Variants in WRN observed in about 807,000 individuals in gnomAD.
WRN encodes the protein bifunctional 3'-5' exonuclease/ATP-dependent helicase WRN.
A neutral mutation model predicts 180.7 loss-of-function variants in WRN; 149 were observed. That is an observed-to-expected ratio of 0.82 (90% CI 0.72 to 0.94). The LOEUF (loss-of-function observed/expected upper bound fraction) is 0.94, where lower values mean the gene tolerates loss of function less well. Ranked by LOEUF, WRN falls within the 40% of genes least tolerant of loss-of-function variation. WRN has a pLI of 0.00. For synonymous variants in WRN, 548 were observed against 568.9 expected, an observed-to-expected ratio of 0.96 and a Z score of 0.52; for missense variants, 1,661 against 1,700.1, an observed-to-expected ratio of 0.98 and a Z score of 0.40.
At chr8:31,079,034 T>A (rs1031342114) in intron 8 of WRN, among the ~76,000 whole-genome samples, 1 of 152,224 alleles carries the variant, frequency 6.6e-6, no homozygotes, top group African/African-American at 2.4e-5. Context: ...CTAAACTATT[T>A]GCATATAATT....
chr8:31,139,616 C>T (rs2130404475), intron 24 of WRN, among the ~76,000 whole-genome samples: 1 of 152,310 alleles, frequency 6.6e-6, no homozygotes, highest in East Asian at 1.9e-4. Context: ...GCATGCTCTG[C>T]AAACCAACGT....
At chr8:31,055,274 G>A (rs961549705) in intron 1 of WRN, among the ~76,000 whole-genome samples, 1 of 152,246 alleles carries the variant, frequency 6.6e-6, no homozygotes, top group Admixed American at 6.5e-5. Context: ...TAATAGGATT[G>A]CAGTGTCAAA....
chr8:31,125,794 C>T (rs913732360), intron 23 of WRN, among the ~76,000 whole-genome samples: 3 of 150,172 alleles, frequency 2.0e-5, no homozygotes, highest in African/African-American at 4.9e-5. Context: ...TGAGGCCCAC[C>T]CACATTATTG....
At chr8:31,034,455 A>G (rs1458150637) in intron 1 of WRN, among the ~76,000 whole-genome samples, 2 of 151,990 alleles carry the variant, frequency 1.3e-5, no homozygotes, top group East Asian at 3.9e-4. Flanking sequence ...GAAAAATACT[A>G]CTCCCTATTG....
chr8:31,120,848 G>C (rs1436717730), intron 21 of WRN, among the ~76,000 whole-genome samples: 1 of 152,012 alleles, frequency 6.6e-6, no homozygotes, highest in Non-Finnish European at 1.5e-5. Context: ...CCATGCTACA[G>C]TGGTGATTAT....
chr8:31,048,630 AAAAG>A (rs1353952402), intron 1 of WRN, among the ~76,000 whole-genome samples: 3 of 152,206 alleles, frequency 2.0e-5, no homozygotes, highest in African/African-American at 7.2e-5. Flanking sequence ...GTAATATAAT[AAAAG>A]AAATCAAGCC....
intron 11 of WRN, among the ~76,000 whole-genome samples, chr8:31,086,281 T>C (rs1813527539): frequency 6.6e-6 from 1 of 152,050 alleles, no homozygotes; most frequent in African/African-American, 2.4e-5. Flanking sequence ...AGTAAGAATG[T>C]ATATTCTAGG....
At chr8:31,115,373 A>G (rs1801480356) in intron 19 of WRN, among the ~76,000 whole-genome samples, 1 of 152,234 alleles carries the variant, frequency 6.6e-6, no homozygotes, top group Non-Finnish European at 1.5e-5. Context: ...TTAAGTTTTC[A>G]GTGGCTTTTG....
chr8:31,065,404 C>G (rs2130039603), intron 5 of WRN, among the ~76,000 whole-genome samples: 1 of 152,196 alleles, frequency 6.6e-6, no homozygotes, highest in South Asian at 2.1e-4. Flanking sequence ...CACCCTCCAC[C>G]TCCCACAGTG....
intron 7 of WRN, among the ~76,000 whole-genome samples, chr8:31,072,526 G>A (rs931293699): frequency 2.6e-5 from 4 of 152,144 alleles, no homozygotes; most frequent in African/African-American, 9.7e-5. Flanking sequence ...CAGAGACAGG[G>A]TCTCATTATG....
chr8:31,059,073 T>G, intron 2 of WRN, 80 bp from the exon 3 acceptor site: 1 of 1,031,016 alleles, frequency 9.7e-7, no homozygotes, highest in Non-Finnish European at 1.5e-6. Context: ...ATTGAATGCT[T>G]CAGTGAACTT....
chr8:31,082,145 CAG>C (rs1315346481), intron 9 of WRN, among the ~76,000 whole-genome samples: 2 of 152,206 alleles, frequency 1.3e-5, no homozygotes, highest in African/African-American at 4.8e-5. Context: ...ACTGTCATCT[CAG>C]AGTCAGATTT....
At chr8:31,099,917 A>C (rs1378569706) in intron 17 of WRN, among the ~76,000 whole-genome samples, 2 of 152,140 alleles carry the variant, frequency 1.3e-5, no homozygotes, top group Non-Finnish European at 2.9e-5. Context: ...TGGAAAGCTT[A>C]AGTAACTTGC....
chr8:31,175,719 C>T lies in WRN; in HGVS notation c.*2617C>T, dbSNP rs1300916927. Among the ~76,000 whole-genome samples the T allele has an allele frequency of 6.6e-6, 1 of 152,160 alleles. No individual in the cohort carries two copies. Among genetic ancestry groups the T allele is most frequent in the Non-Finnish European group, 1.5e-5 (1 of 68,042 alleles). Reference sequence around the variant, plus strand: ...TTTTTTTCATATACTTCAGCCAAAACAGCATATCAAAATGGATTGAATGCA... The same window carrying T: ...TTTTTTTCATATACTTCAGCCAAAATAGCATATCAAAATGGATTGAATGCA... On this transcript the variant is annotated 3_prime_UTR_variant, in exon 35 of 35. Transcript: ENST00000298139.
At chr8:31,126,545 C>T (rs1308444571) in intron 23 of WRN, among the ~76,000 whole-genome samples, 2 of 152,018 alleles carry the variant, frequency 1.3e-5, no homozygotes, top group African/African-American at 4.8e-5. Flanking sequence ...AGAAAGGTCT[C>T]AAATCAGTAC....
rs61761623 is a variant in WRN, at chr8:31,141,753, C to T, written c.3211C>T (p.Pro1071Ser). The T allele has an allele frequency of 5.6e-5, 90 of 1,613,894 alleles. No individual in the cohort carries two copies. In the African/African-American group the frequency reaches 9.9e-4, roughly 18 times the overall value. ...CCTTCAAGCTAATGAAGAATTGTGTCCAAAGAAGTTGCTTCTGCCTAGGTT... is the reference window on the plus strand; with the variant it reads ...CCTTCAAGCTAATGAAGAATTGTGTTCAAAGAAGTTGCTTCTGCCTAGGTT... ...LILQANEELC[P>S]KKLLLPSSKT... The change falls in exon 26 of 35, where the codon CCA becomes TCA. Residue 1071 changes from proline to serine, a missense_variant. Transcript: ENST00000298139.
At chr8:31,109,000 G>A (rs936179043) in intron 18 of WRN, among the ~76,000 whole-genome samples, 1 of 152,174 alleles carries the variant, frequency 6.6e-6, no homozygotes, top group African/African-American at 2.4e-5. Context: ...GCAGTAATTG[G>A]TTCTTTGGGA....
chr8:31,116,521 A>C lies in WRN; in HGVS notation c.2441A>C (p.Glu814Ala), dbSNP rs1353379771. ...KDIHHRFVRD[E>A]IQCVIATIAF... ...ATTCATCATAGGTTTGTAAGAGATGAAATTCAGGTATGAGGATCAATCATC... is the reference window on the plus strand; with the variant it reads ...ATTCATCATAGGTTTGTAAGAGATGCAATTCAGGTATGAGGATCAATCATC... The change falls in exon 20 of 35, where the codon GAA (glutamate) becomes GCA (alanine). Residue 814 changes from glutamate to alanine, a missense_variant. Physicochemically the swap from Glu to Ala is moderately radical, Grantham distance 107. Coordinates refer to ENST00000298139, the MANE Select transcript of WRN (RefSeq NM_000553.6). 6.2e-7 allele frequency: 1 copy of C among 1,613,828 alleles called. No individual in the cohort carries two copies. The highest frequency in any genetic ancestry group is 1.1e-5 in the South Asian group (1 of 91,068).
In WRN at chr8:31,157,786, G is replaced by A. The variant is rs536128315; in HGVS notation, c.3982+256G>A. Among the ~76,000 whole-genome samples the A allele has an allele frequency of 3.3e-5, 5 of 152,196 alleles. No homozygotes were observed. In the South Asian group the frequency reaches 1.0e-3, roughly 32 times the overall value. On this transcript the variant is annotated intron_variant, in intron 33 of 34. Transcript: ENST00000298139. ...TCTCTTGTCTAGGCTGGAGTGCAGT[G>A]GCGTGATCTTGGCTCGCTGCAACCT...
Sources: gnomAD v4.1 joint callset for allele counts (sites outside exome capture counted in the v4.1 genomes callset) on GRCh38, gnomAD v4.1.1 for gene constraint, MANE v1.5 for transcripts, NCBI Gene and HGNC (gene_info 2026-07-23, HGNC 2026-07-21) for gene names.